Variants in DGKB observed in about 807,000 individuals in gnomAD.
DGKB encodes the protein diacylglycerol kinase beta, also known as 90 kDa diacylglycerol kinase.
In DGKB, 67 loss-of-function variants were observed where a neutral mutation model predicts 114.3. The ratio of observed to expected loss-of-function variants is 0.59; its 90% CI spans 0.48 to 0.72. The LOEUF is 0.72. Among genes scored for constraint, DGKB ranks in the 30% least tolerant of loss-of-function variants. The pLI is 0.00. For missense variants in DGKB, 907 were observed against 975.2 expected (o/e 0.93, Z 0.93); for synonymous variants, 398 against 323.1 (o/e 1.23, Z -2.49).
At chr7:14,189,182 T>G (rs150943899) in intron 23 of DGKB, among the ~76,000 whole-genome samples, 1 of 152,166 alleles carries the variant, frequency 6.6e-6, no homozygotes, top group East Asian at 1.9e-4. Context: ...GTATGAACGT[T>G]TAATGTCAAA....
intron 23 of DGKB, among the ~76,000 whole-genome samples, chr7:14,284,866 T>G (rs1244499313): frequency 1.1e-4 from 8 of 73,702 alleles, no homozygotes; most frequent in East Asian, 5.3e-4. Context: ...TGTTTTGGGG[T>G]GGGGGGAGGG....
intron 20 of DGKB, among the ~76,000 whole-genome samples, chr7:14,495,994 T>C (rs1785255012): frequency 1.3e-5 from 2 of 151,842 alleles, no homozygotes; most frequent in Non-Finnish European, 2.9e-5. Context: ...TGGAGGCTTC[T>C]TGTAGTGAAT....
intron 2 of DGKB, among the ~76,000 whole-genome samples, chr7:14,805,732 T>G (rs1229600477): frequency 6.6e-6 from 1 of 151,876 alleles, no homozygotes; most frequent in Non-Finnish European, 1.5e-5. Context: ...TAAAATGATA[T>G]GAACTTGCAA....
At chr7:14,582,594 CATG>C (rs1311044084) in intron 18 of DGKB, among the ~76,000 whole-genome samples, 1 of 151,998 alleles carries the variant, frequency 6.6e-6, no homozygotes, top group Non-Finnish European at 1.5e-5. Context: ...AACAAGATAA[CATG>C]ATGAATAAAA....
upstream of DGKB, among the ~76,000 whole-genome samples, chr7:14,906,911 A>C (rs1024430394): frequency 6.6e-6 from 1 of 152,240 alleles, no homozygotes; most frequent in African/African-American, 2.4e-5. Context: ...TCTTTTAAAG[A>C]ATATACAATC....
chr7:14,580,289 C>G (rs1799736029), intron 19 of DGKB, among the ~76,000 whole-genome samples: 1 of 151,878 alleles, frequency 6.6e-6, no homozygotes, highest in Admixed American at 6.6e-5. Context: ...AGGTCTTTCC[C>G]TATAATGATC....
chr7:14,884,186 GC>G (rs1294482505), intron 1 of DGKB, among the ~76,000 whole-genome samples: 1 of 151,912 alleles, frequency 6.6e-6, no homozygotes, highest in Non-Finnish European at 1.5e-5. Context: ...AAAGAATTCA[GC>G]CATGTTCCAA....
At chr7:14,636,914 C>A (rs185668105) in intron 13 of DGKB, among the ~76,000 whole-genome samples, 207 of 151,970 alleles carry the variant, frequency 1.4e-3, no homozygotes, top group Middle Eastern at 6.8e-3. Flanking sequence ...CTTTAAGCAG[C>A]ACATTCAAAT....
intron 1 of DGKB, among the ~76,000 whole-genome samples, chr7:14,882,192 G>A (rs1339167645): frequency 6.6e-6 from 1 of 151,914 alleles, no homozygotes; most frequent in African/African-American, 2.4e-5. Context: ...ATATATTTGG[G>A]AGTCTGAAAG....
intron 20 of DGKB, among the ~76,000 whole-genome samples, chr7:14,488,125 T>C (rs1240262636): frequency 6.6e-6 from 1 of 152,140 alleles, no homozygotes; most frequent in Non-Finnish European, 1.5e-5. Context: ...ATAATCTTAC[T>C]GAGAATTTCT....
chr7:14,817,325 T>C (rs536139500), intron 2 of DGKB, among the ~76,000 whole-genome samples: 1 of 152,348 alleles, frequency 6.6e-6, no homozygotes, highest in Non-Finnish European at 1.5e-5. Flanking sequence ...ACATGTATAG[T>C]TACACCAGAA....
At chr7:14,457,164 C>G (rs190801814) in intron 21 of DGKB, among the ~76,000 whole-genome samples, 3 of 152,166 alleles carry the variant, frequency 2.0e-5, no homozygotes, top group Admixed American at 2.0e-4. Context: ...AAAAAGTATG[C>G]CGCATGTTAA....
At chr7:14,318,950 T>C (rs184641397) in intron 23 of DGKB, among the ~76,000 whole-genome samples, 15,319 of 152,142 alleles carry the variant, frequency 0.1, 819 homozygotes, top group East Asian at 0.14. Context: ...TGGAATACTA[T>C]GCAGCCATAA....
intron 1 of DGKB, among the ~76,000 whole-genome samples, chr7:14,909,673 A>G (rs952341652): frequency 2.0e-5 from 3 of 152,214 alleles, no homozygotes; most frequent in African/African-American, 7.2e-5. Flanking sequence ...GATTAAATAT[A>G]TATTTAAAAA....
At chr7:14,500,209 T>C (rs1584411186) in intron 20 of DGKB, among the ~76,000 whole-genome samples, 1 of 152,006 alleles carries the variant, frequency 6.6e-6, no homozygotes, top group African/African-American at 2.4e-5. Flanking sequence ...TCTCGTAGTC[T>C]AAATTTTATT....
intron 2 of DGKB, among the ~76,000 whole-genome samples, chr7:14,811,382 G>A (rs563518780): frequency 7.9e-5 from 12 of 152,156 alleles, no homozygotes; most frequent in Middle Eastern, 6.8e-3. Context: ...CTAGTAACAG[G>A]AAGTTTTAAT....
intron 1 of DGKB, among the ~76,000 whole-genome samples, chr7:14,959,690 G>A (rs1435730453): frequency 6.6e-6 from 1 of 151,162 alleles, no homozygotes; most frequent in Non-Finnish European, 1.5e-5. Context: ...AGAGGTGAAT[G>A]TATTTCCTCC....
intron 23 of DGKB, among the ~76,000 whole-genome samples, chr7:14,242,048 C>A (rs949212265): frequency 6.6e-6 from 1 of 151,726 alleles, no homozygotes; most frequent in African/African-American, 2.4e-5. Flanking sequence ...ATTGAAAGGT[C>A]AATATGGAGC....
At chr7:14,677,899 A>C (rs1387073332) in intron 12 of DGKB, among the ~76,000 whole-genome samples, 1 of 152,060 alleles carries the variant, frequency 6.6e-6, no homozygotes, top group East Asian at 1.9e-4. Flanking sequence ...TAGATTTACA[A>C]ATGAACAGAA....
Sources: allele counts gnomAD v4.1 joint callset (sites outside exome capture counted in the v4.1 genomes callset), GRCh38; gene constraint gnomAD v4.1.1; transcripts MANE v1.5; gene names NCBI Gene and HGNC (gene_info 2026-07-23, HGNC 2026-07-21).